The following GRM7 variants were observed in gnomAD, a reference collection of about 807,000 sequenced individuals.
GRM7 encodes metabotropic glutamate receptor 7.
Under a neutral mutation model 84.5 loss-of-function variants are expected in GRM7, and 35 were observed. The observed-to-expected ratio is 0.41, with a 90% CI of 0.32 to 0.55. The LOEUF is 0.55. GRM7 is among the 20% of genes least tolerant of loss of function. The probability of loss-of-function intolerance (pLI) is 0.19; values close to 1 mark genes in which losing one functional copy is unlikely to be tolerated. For synonymous variants in GRM7, 487 were observed against 455.1 expected (o/e 1.07, Z -0.89); for missense variants, 1,003 against 1,194.6 (o/e 0.84, Z 2.36).
Position 7,004,356 on chromosome 3 carries a change from T to C in GRM7, c.520-142096T>C, listed in dbSNP as rs149456216. Among the ~76,000 whole-genome samples the C allele has an allele frequency of 6.1e-3, 930 of 152,268 alleles. 10 individuals are homozygous for C. Among genetic ancestry groups the C allele is most frequent in the Non-Finnish European group, 0.011 (735 of 68,020 alleles). ...GTGGAAGTATACAAATGAGGTTTGG[T>C]GAAAACAATCTTTTTTATATATTAT... On this transcript the variant is annotated intron_variant, in intron 1 of 9. Coordinates refer to ENST00000357716, the MANE Select transcript of GRM7 (RefSeq NM_000844.4).
At chr3:7,463,476 G>A (rs1162185872) in intron 7 of GRM7, among the ~76,000 whole-genome samples, 1 of 152,082 alleles carries the variant, frequency 6.6e-6, no homozygotes, top group Non-Finnish European at 1.5e-5. Flanking sequence ...CAAGTTAGAA[G>A]CACTGCAAGA....
intron 1 of GRM7, among the ~76,000 whole-genome samples, chr3:7,129,607 T>G (rs755256129): frequency 4.6e-5 from 7 of 152,124 alleles, no homozygotes; most frequent in Non-Finnish European, 1.5e-5. Flanking sequence ...AACTGCCCAT[T>G]TGTCTTTTTC....
chr3:6,992,244 T>G (rs1162880668), intron 1 of GRM7, among the ~76,000 whole-genome samples: 1 of 152,202 alleles, frequency 6.6e-6, no homozygotes, highest in Admixed American at 6.5e-5. Flanking sequence ...TACACTCAAT[T>G]CAACAAGTAC....
chr3:7,215,430 G>A (rs1476444598), intron 2 of GRM7, among the ~76,000 whole-genome samples: 3 of 151,998 alleles, frequency 2.0e-5, no homozygotes, highest in Admixed American at 6.6e-5. Context: ...TTTTGGAGGC[G>A]GAGGAGGGTG....
chr3:7,168,653 C>T (rs913834301), intron 2 of GRM7, among the ~76,000 whole-genome samples: 1 of 152,096 alleles, frequency 6.6e-6, no homozygotes, highest in African/African-American at 2.4e-5. Flanking sequence ...AAGACGACCC[C>T]ATTCAAATAT....
At chr3:7,627,382 G>C (rs1359058894) in intron 8 of GRM7, among the ~76,000 whole-genome samples, 1 of 152,148 alleles carries the variant, frequency 6.6e-6, no homozygotes, top group East Asian at 1.9e-4. Context: ...CCCTGTTTCA[G>C]AGGTTCTCAT....
At chr3:7,214,973 T>G (rs1257136637) in intron 2 of GRM7, among the ~76,000 whole-genome samples, 4 of 152,216 alleles carry the variant, frequency 2.6e-5, no homozygotes, top group South Asian at 4.1e-4. Flanking sequence ...ATGTCTTTAT[T>G]TAAACCTCTT....
At chr3:7,014,327 T>C (rs896760668) in intron 1 of GRM7, among the ~76,000 whole-genome samples, 11 of 152,134 alleles carry the variant, frequency 7.2e-5, no homozygotes, top group Admixed American at 6.5e-5. Flanking sequence ...TTTATTTATT[T>C]ATTCATTTTA....
At chr3:7,473,330 G>T (rs1290915067) in intron 7 of GRM7, among the ~76,000 whole-genome samples, 1 of 152,012 alleles carries the variant, frequency 6.6e-6, no homozygotes, top group Non-Finnish European at 1.5e-5. Flanking sequence ...ATAAAAATAT[G>T]GATGGGTGTG....
intron 2 of GRM7, among the ~76,000 whole-genome samples, chr3:7,263,683 T>C (rs1698524795): frequency 6.6e-6 from 1 of 151,928 alleles, no homozygotes; most frequent in Non-Finnish European, 1.5e-5. Context: ...CAGAGCAGAG[T>C]TGGGTCTGCT....
chr3:7,305,008 T>C (rs1053479358), intron 3 of GRM7, among the ~76,000 whole-genome samples: 1 of 152,172 alleles, frequency 6.6e-6, no homozygotes, highest in African/African-American at 2.4e-5. Context: ...AGATTGGCCA[T>C]TCCATCAGAG....
In GRM7 at chr3:7,064,505, C is replaced by CATATAT. The variant is rs144465602; in HGVS notation, c.520-81939_520-81934dup. 1.8e-3 allele frequency among the ~76,000 whole-genome samples: 177 copies of CATATAT among 100,968 alleles called. 6 individuals are homozygous for CATATAT. The Middle Eastern group carries it at 0.02, about 12-fold the overall frequency. 66.2% of individuals were successfully genotyped at this position (100,968 alleles called of 152,430 possible). A position where few individuals can be genotyped will look rare whatever the true frequency, so the allele number is the denominator to read the frequency against. On this transcript the variant is annotated intron_variant, in intron 1 of 9. Coordinates refer to ENST00000357716, the MANE Select transcript of GRM7 (RefSeq NM_000844.4). ...ACACACATATACATATATATATACA[C>CATATAT]ATATATATATATACACACACACACA... is the stretch of plus-strand genomic sequence containing the variant.
rs1695077264 is a variant in GRM7, at chr3:7,578,611, C to T, written c.1705C>T (p.Pro569Ser). The T allele has an allele frequency of 6.2e-7, 1 of 1,614,002 alleles. No individual in the cohort carries two copies. Among genetic ancestry groups the T allele is most frequent in the Non-Finnish European group, 8.5e-7 (1 of 1,179,932 alleles). Residue 569 changes from proline to serine, a missense_variant, in exon 8 of 10, where the codon CCC (proline) becomes TCC (serine). Pro to Ser is a moderately conservative substitution (Grantham distance 74). Coordinates refer to ENST00000357716, the MANE Select transcript of GRM7 (RefSeq NM_000844.4). ...CCAGCATTGCCCCTATGACCAGAGG[C>T]CCAATGAAAATCGAACCGGATGCCA... ...TCQHCPYDQR[P>S]NENRTGCQDI...
chr3:7,590,524 G>A (rs112202106), intron 8 of GRM7, among the ~76,000 whole-genome samples: 10 of 152,186 alleles, frequency 6.6e-5, no homozygotes, highest in Non-Finnish European at 1.3e-4. Flanking sequence ...AAAGCTTGCC[G>A]GACCTGCCTT....
intron 2 of GRM7, among the ~76,000 whole-genome samples, chr3:7,256,869 A>G (rs1051188056): frequency 1.3e-5 from 2 of 152,210 alleles, no homozygotes. Flanking sequence ...TTGCTGAGAG[A>G]ACCTAAGATA....
Position 7,013,920 on chromosome 3 carries a change from A to T in GRM7, c.520-132532A>T, listed in dbSNP as rs188315113. ...TAAAGAATCTGCATCATTTTGCGTA[A>T]ATTTTTTCACAATTTGGATTTTGCT... On this transcript the variant is annotated intron_variant, in intron 1 of 9. Transcript: ENST00000357716. Among the ~76,000 whole-genome samples the T allele has an allele frequency of 5.9e-4, 89 of 151,954 alleles. 1 individual carries two copies. Among genetic ancestry groups the T allele is most frequent in the African/African-American group, 2.1e-3 (88 of 41,430 alleles).
chr3:6,909,002 C>G (rs1285859034), intron 1 of GRM7, among the ~76,000 whole-genome samples: 1 of 152,100 alleles, frequency 6.6e-6, no homozygotes, highest in Non-Finnish European at 1.5e-5. Context: ...TACCATTCAT[C>G]ATCCATGTTG....
chr3:7,118,416 A>C (rs9846975), intron 1 of GRM7, among the ~76,000 whole-genome samples: 1 of 150,434 alleles, frequency 6.6e-6, no homozygotes, highest in Non-Finnish European at 1.5e-5. Context: ...AATGGAAAAA[A>C]TGAATAAAAA....
At chr3:7,729,036 C>A (rs1702221809) in intron 9 of GRM7, among the ~76,000 whole-genome samples, 1 of 77,216 alleles carries the variant, frequency 1.3e-5, no homozygotes, top group African/African-American at 5.4e-5. Flanking sequence ...GCATAATGCC[C>A]TCAGGCTTTT....
Sources: allele counts gnomAD v4.1 joint callset (sites outside exome capture counted in the v4.1 genomes callset), GRCh38; gene constraint gnomAD v4.1.1; transcripts MANE v1.5; gene names NCBI Gene and HGNC (gene_info 2026-07-23, HGNC 2026-07-21).